The following LSAMP variants were observed in gnomAD, a reference collection of about 807,000 sequenced individuals.
LSAMP encodes limbic system associated membrane protein.
LSAMP carries 7 observed loss-of-function variants against 38.6 expected under a neutral mutation model. The observed-to-expected ratio is 0.18, with a 90% CI of 0.10 to 0.34. The LOEUF (loss-of-function observed/expected upper bound fraction) is 0.34. Among genes scored for constraint, LSAMP ranks in the 10% least tolerant of loss-of-function variants. The pLI is 1.00. For synonymous variants in LSAMP, 154 were observed against 166.8 expected (o/e 0.92, Z 0.59); for missense variants, 313 against 420.0 (o/e 0.75, Z 2.23).
chr3:116,269,072 C>T (rs546454789), intron 1 of LSAMP, among the ~76,000 whole-genome samples: 18 of 152,116 alleles, frequency 1.2e-4, no homozygotes, highest in African/African-American at 3.6e-4. Context: ...TAGTAGTCCA[C>T]CCATTCCTTT....
At chr3:115,908,882 C>G (rs1937074210) in intron 3 of LSAMP, among the ~76,000 whole-genome samples, 1 of 152,174 alleles carries the variant, frequency 6.6e-6, no homozygotes, top group Admixed American at 6.5e-5. Context: ...TCCGGCACTT[C>G]TGTCTTCAGT....
chr3:115,935,382 G>A (rs1169447762), intron 3 of LSAMP, among the ~76,000 whole-genome samples: 3 of 152,128 alleles, frequency 2.0e-5, no homozygotes, highest in African/African-American at 7.2e-5. Flanking sequence ...GCTCTTGAGA[G>A]AGTCAAGTGG....
At chr3:116,061,026 G>A (rs1456006450) in intron 2 of LSAMP, among the ~76,000 whole-genome samples, 1 of 152,058 alleles carries the variant, frequency 6.6e-6, no homozygotes, top group Non-Finnish European at 1.5e-5. Context: ...TCATCCTCAA[G>A]TTGCCAGGGA....
At chr3:116,376,695 GAACTT>G (rs1265508446) in intron 1 of LSAMP, among the ~76,000 whole-genome samples, 1 of 152,012 alleles carries the variant, frequency 6.6e-6, no homozygotes, top group Non-Finnish European at 1.5e-5. Flanking sequence ...TGCCAGAAGA[GAACTT>G]AAAAGAAGCT....
intron 1 of LSAMP, among the ~76,000 whole-genome samples, chr3:116,155,781 C>T (rs1022481840): frequency 3.3e-5 from 5 of 152,040 alleles, no homozygotes; most frequent in Non-Finnish European, 7.4e-5. Context: ...AAAGTACTTT[C>T]TCCACTTCTC....
At chr3:115,852,865 C>T (rs1935377015) in intron 3 of LSAMP, among the ~76,000 whole-genome samples, 1 of 152,038 alleles carries the variant, frequency 6.6e-6, no homozygotes, top group Non-Finnish European at 1.5e-5. Flanking sequence ...ACAAAGAAGC[C>T]AAGCAAGGGT....
At chr3:116,269,679 T>TAATA (rs1418781967) in intron 1 of LSAMP, among the ~76,000 whole-genome samples, 1 of 152,124 alleles carries the variant, frequency 6.6e-6, no homozygotes, top group Non-Finnish European at 1.5e-5. Context: ...GGGGCACTAC[T>TAATA]AATAATTACT....
intron 1 of LSAMP, among the ~76,000 whole-genome samples, chr3:116,175,298 A>C (rs896279745): frequency 6.6e-6 from 1 of 152,088 alleles, no homozygotes; most frequent in Non-Finnish European, 1.5e-5. Context: ...ATAGTTGTAC[A>C]TATTTATGTT....
At chr3:116,373,256 AATATG>A (rs1189705358) in intron 1 of LSAMP, among the ~76,000 whole-genome samples, 5 of 151,462 alleles carry the variant, frequency 3.3e-5, no homozygotes, top group Admixed American at 2.6e-4. Context: ...TACACAATGA[AATATG>A]ATTCAAACTT....
At chr3:116,350,896 C>A (rs2048129707) in intron 1 of LSAMP, among the ~76,000 whole-genome samples, 1 of 151,916 alleles carries the variant, frequency 6.6e-6, no homozygotes, top group Admixed American at 6.6e-5. Context: ...TGCCACAGTG[C>A]ATGATAAGTG....
chr3:116,049,392 G>A (rs546328143), intron 2 of LSAMP, among the ~76,000 whole-genome samples: 2 of 152,230 alleles, frequency 1.3e-5, no homozygotes, highest in East Asian at 3.9e-4. Flanking sequence ...ACAATTAGTT[G>A]GGAAATAAAC....
At chr3:116,190,415 A>T (rs1710729060) in intron 1 of LSAMP, among the ~76,000 whole-genome samples, 1 of 152,154 alleles carries the variant, frequency 6.6e-6, no homozygotes, top group East Asian at 1.9e-4. Context: ...AAGCCCTGAA[A>T]ATGTGGAGTC....
At chr3:116,055,930 A>G (rs1941482983) in intron 2 of LSAMP, among the ~76,000 whole-genome samples, 1 of 151,862 alleles carries the variant, frequency 6.6e-6, no homozygotes, top group African/African-American at 2.4e-5. Flanking sequence ...AACTAGCATT[A>G]TAACTAAGCA....
chr3:115,944,923 T>A (rs1938046135), intron 3 of LSAMP, among the ~76,000 whole-genome samples: 1 of 152,178 alleles, frequency 6.6e-6, no homozygotes, highest in South Asian at 2.1e-4. Context: ...TCTCTATGTA[T>A]ATTCCTTTCC....
intron 1 of LSAMP, among the ~76,000 whole-genome samples, chr3:116,134,285 T>C (rs1322371800): frequency 6.6e-6 from 1 of 152,150 alleles, no homozygotes; most frequent in African/African-American, 2.4e-5. Flanking sequence ...TCTCCACTGA[T>C]AAAGCCCTAG....
intron 3 of LSAMP, among the ~76,000 whole-genome samples, chr3:115,936,441 TC>T (rs1937704724): frequency 6.6e-6 from 1 of 152,174 alleles, no homozygotes; most frequent in Non-Finnish European, 1.5e-5. Context: ...TATTTATTAA[TC>T]CATTCTGAAA....
At chr3:115,814,618 CA>C (rs1383889927) in intron 6 of LSAMP, among the ~76,000 whole-genome samples, 2 of 152,078 alleles carry the variant, frequency 1.3e-5, no homozygotes, top group Admixed American at 6.6e-5. Flanking sequence ...TAAATTCATT[CA>C]AAGGGGTTGT....
intron 1 of LSAMP, among the ~76,000 whole-genome samples, chr3:116,286,449 T>G (rs1040753559): frequency 2.0e-5 from 3 of 152,138 alleles, no homozygotes; most frequent in Non-Finnish European, 4.4e-5. Context: ...TTTAATAACA[T>G]TCCATTAAAA....
At chr3:115,891,405 T>A (rs1936596539) in intron 3 of LSAMP, among the ~76,000 whole-genome samples, 1 of 151,974 alleles carries the variant, frequency 6.6e-6, no homozygotes, top group African/African-American at 2.4e-5. Flanking sequence ...GCTGGCCTGA[T>A]GAAAGATAAA....
Sources: allele counts gnomAD v4.1 joint callset (sites outside exome capture counted in the v4.1 genomes callset), GRCh38; gene constraint gnomAD v4.1.1; transcripts MANE v1.5; gene names NCBI Gene and HGNC (gene_info 2026-07-23, HGNC 2026-07-21).